The following ADAMTS6 variants were observed in gnomAD, a reference collection of about 807,000 sequenced individuals.
The protein encoded by ADAMTS6 is ADAM metallopeptidase with thrombospondin type 1 motif 6, also known as A disintegrin and metalloproteinase with thrombospondin motifs 6.
In ADAMTS6, 23 loss-of-function variants were observed where a neutral mutation model predicts 144.3. The ratio of observed to expected loss-of-function variants is 0.16; its 90% CI spans 0.11 to 0.23. The LOEUF is 0.23. ADAMTS6 is among the 10% of genes least tolerant of loss of function. The pLI, the probability that ADAMTS6 is intolerant of heterozygous loss-of-function variation, is 1.00. For synonymous variants in ADAMTS6, 444 were observed against 457.5 expected (o/e 0.97, Z 0.38); for missense variants, 999 against 1,379.6 (o/e 0.72, Z 4.37).
intron 7 of ADAMTS6, among the ~76,000 whole-genome samples, chr5:65,371,371 A>G (rs375427419): frequency 0.12 from 17,960 of 151,162 alleles, 1,188 homozygotes; most frequent in African/African-American, 0.18. Flanking sequence ...TGAAAACTTT[A>G]AAAAAAATTT....
intron 22 of ADAMTS6, among the ~76,000 whole-genome samples, chr5:65,178,848 G>C (rs1754152356): frequency 1.3e-5 from 2 of 152,168 alleles, no homozygotes; most frequent in Non-Finnish European, 2.9e-5. Flanking sequence ...AACCACTGAA[G>C]TTTGCAACAC....
intron 10 of ADAMTS6, 45 bp from the exon 11 acceptor site, chr5:65,291,515 T>A (rs1230905695): frequency 6.5e-7 from 1 of 1,542,486 alleles, no homozygotes; most frequent in Admixed American, 2.0e-5. Context: ...TTCTATGGGC[T>A]ATTTTAGTCA....
chr5:65,384,874 T>C (rs1321607561), intron 7 of ADAMTS6, among the ~76,000 whole-genome samples: 1 of 152,222 alleles, frequency 6.6e-6, no homozygotes, highest in African/African-American at 2.4e-5. Flanking sequence ...GCAACAGAAA[T>C]GTATTGCTCA....
intron 11 of ADAMTS6, among the ~76,000 whole-genome samples, chr5:65,275,213 CAAAAAAAAAAAAAA>C (rs70983666): frequency 4.7e-5 from 3 of 63,814 alleles, no homozygotes; most frequent in African/African-American, 6.3e-5. Flanking sequence ...GGCTCTGTGT[CAAAAAAAAAAAAAA>C]AAAAAAAAAA....
intron 9 of ADAMTS6, among the ~76,000 whole-genome samples, chr5:65,305,990 G>A (rs953317965): frequency 5.3e-5 from 8 of 152,148 alleles, no homozygotes; most frequent in Admixed American, 3.3e-4. Context: ...CTTGGACAAC[G>A]AACAGGTTAA....
At chr5:65,345,506 A>T (rs952018587) in intron 7 of ADAMTS6, among the ~76,000 whole-genome samples, 1 of 151,796 alleles carries the variant, frequency 6.6e-6, no homozygotes, top group Admixed American at 6.6e-5. Flanking sequence ...GAATCAAAAA[A>T]ATTAAACCAC....
chr5:65,221,564 T>A (rs1757325222), intron 18 of ADAMTS6, among the ~76,000 whole-genome samples: 1 of 152,174 alleles, frequency 6.6e-6, no homozygotes, highest in Non-Finnish European at 1.5e-5. Flanking sequence ...AAGGAATGAT[T>A]TGCCCTTATG....
intron 7 of ADAMTS6, among the ~76,000 whole-genome samples, chr5:65,340,739 A>AT (rs1293580989): frequency 7.2e-5 from 11 of 152,078 alleles, no homozygotes; most frequent in Non-Finnish European, 1.0e-4. Flanking sequence ...CTGTAAAGAG[A>AT]TAAAAACAGG....
chr5:65,242,442 T>C (rs1030670199), intron 14 of ADAMTS6, among the ~76,000 whole-genome samples: 4 of 152,178 alleles, frequency 2.6e-5, no homozygotes, highest in Non-Finnish European at 5.9e-5. Flanking sequence ...AATTTCCCTA[T>C]AAATTTACAG....
intron 7 of ADAMTS6, among the ~76,000 whole-genome samples, chr5:65,409,598 A>T (rs1754877487): frequency 6.6e-6 from 1 of 152,218 alleles, no homozygotes. Context: ...ATTCCTTCTG[A>T]CAATATTCCA....
chr5:65,293,643 G>A (rs905664315), intron 10 of ADAMTS6, among the ~76,000 whole-genome samples: 6 of 152,108 alleles, frequency 3.9e-5, no homozygotes, highest in Middle Eastern at 3.4e-3. Flanking sequence ...TAAAATTATT[G>A]TTTCAATATA....
At chr5:65,334,291 A>G (rs1298931113) in intron 7 of ADAMTS6, among the ~76,000 whole-genome samples, 4 of 152,200 alleles carry the variant, frequency 2.6e-5, no homozygotes, top group African/African-American at 4.8e-5. Flanking sequence ...CTGCAAGCCA[A>G]TAGAACACCT....
chr5:65,432,096 G>A, intron 7 of ADAMTS6, among the ~76,000 whole-genome samples: 1 of 152,020 alleles, frequency 6.6e-6, no homozygotes, highest in Non-Finnish European at 1.5e-5. Flanking sequence ...AAGGTGTAGA[G>A]AACTTATGAA....
intron 5 of ADAMTS6, 89 bp downstream of exon 5, chr5:65,452,618 C>T: frequency 7.3e-7 from 1 of 1,377,854 alleles, no homozygotes; most frequent in Admixed American, 2.0e-5. Context: ...AAATTCTTAT[C>T]ATTATTTACT....
At chr5:65,458,780 A>C (rs1323450614) in intron 4 of ADAMTS6, among the ~76,000 whole-genome samples, 1 of 152,170 alleles carries the variant, frequency 6.6e-6, no homozygotes, top group Admixed American at 6.5e-5. Context: ...AATCTCTCTG[A>C]AACATTCTGC....
At chr5:65,373,876 C>G (rs538695909) in intron 7 of ADAMTS6, among the ~76,000 whole-genome samples, 1 of 151,778 alleles carries the variant, frequency 6.6e-6, no homozygotes, top group Non-Finnish European at 1.5e-5. Flanking sequence ...ACTGGCAAAC[C>G]GAATCCAGCA....
At chr5:65,177,681 T>TAAAG (rs1356266898) in intron 22 of ADAMTS6, among the ~76,000 whole-genome samples, 1 of 152,226 alleles carries the variant, frequency 6.6e-6, no homozygotes, top group Non-Finnish European at 1.5e-5. Context: ...TCATAAAAGT[T>TAAAG]AAAGACTTAA....
intron 11 of ADAMTS6, among the ~76,000 whole-genome samples, chr5:65,273,730 AGATG>A (rs1762234219): frequency 1.3e-5 from 2 of 152,318 alleles, no homozygotes; most frequent in Admixed American, 1.3e-4. Flanking sequence ...TCATTAATAT[AGATG>A]AATAGGGAGA....
chr5:65,396,496 T>C (rs771664523), intron 7 of ADAMTS6, among the ~76,000 whole-genome samples: 3 of 152,206 alleles, frequency 2.0e-5, no homozygotes, highest in Non-Finnish European at 4.4e-5. Flanking sequence ...CTAACCCATC[T>C]CATCTGTGCT....
Sources: gnomAD v4.1 joint callset for allele counts (sites outside exome capture counted in the v4.1 genomes callset) on GRCh38, gnomAD v4.1.1 for gene constraint, MANE v1.5 for transcripts, NCBI Gene and HGNC (gene_info 2026-07-23, HGNC 2026-07-21) for gene names.